Variants in RERE observed in about 807,000 individuals in gnomAD.
The protein encoded by RERE is arginine-glutamic acid dipeptide repeats protein.
RERE carries 40 observed loss-of-function variants against 146.1 expected under a neutral mutation model. That is an observed-to-expected ratio of 0.27 (90% CI 0.21 to 0.36). The LOEUF is 0.36. Ranked by LOEUF, RERE falls within the 10% of genes least tolerant of loss-of-function variation. RERE has a pLI of 1.00. For missense variants in RERE, 1,933 were observed against 2,138.7 expected, an observed-to-expected ratio of 0.90 and a Z score of 1.90; for synonymous variants, 1,003 against 866.0, an observed-to-expected ratio of 1.16 and a Z score of -2.78.
chr1:8,633,364 AGTGAGCTATAATAGCACCACTGC>A (rs138293913), intron 2 of RERE, among the ~76,000 whole-genome samples: 2,305 of 152,176 alleles, frequency 0.015, 60 homozygotes, highest in African/African-American at 0.053. Flanking sequence ...TTGAGGCTGC[AGTGAGCTATAATAGCACCACTGC>A]GTGCCAGCCT....
rs749272392 is a variant in RERE, at chr1:8,364,060, C to A, written c.1736G>T (p.Gly579Val). 4.4e-5 allele frequency: 71 copies of A among 1,613,724 alleles called. No homozygotes were observed. Among genetic ancestry groups the A allele is most frequent in the Middle Eastern group, 1.6e-4 (1 of 6,076 alleles). The change falls in exon 15 of 23, where the codon GGC becomes GTC. Residue 579 changes from glycine to valine, a missense_variant. Coordinates refer to ENST00000400908, the MANE Select transcript of RERE (RefSeq NM_001042681.2). This position sits in a 1 kb window ranked among gnomAD's most constrained non-coding sequence, Gnocchi z 5.1. ...KHSMRTRRSR[G>V]SMSTLRSGRK... ...CCATGGCCCCAGGGGACTCACCGAG[C>A]CCCGACTCCGCCGTGTCCTCATGCT...
chr1:8,555,676 T>G (rs1271776915), intron 6 of RERE, among the ~76,000 whole-genome samples: 3 of 152,208 alleles, frequency 2.0e-5, no homozygotes, highest in East Asian at 3.8e-4. Context: ...ATATCAGTAG[T>G]CTTACTTCCT....
chr1:8,607,977 C>G (rs879400087), intron 4 of RERE, among the ~76,000 whole-genome samples: 1 of 152,146 alleles, frequency 6.6e-6, no homozygotes, highest in Non-Finnish European at 1.5e-5. Context: ...CCACCCACCT[C>G]GGCCTCCCAA....
At chr1:8,777,063 A>G (rs574558423) in intron 1 of RERE, among the ~76,000 whole-genome samples, 21 of 152,280 alleles carry the variant, frequency 1.4e-4, no homozygotes, top group Non-Finnish European at 2.1e-4. Flanking sequence ...CTGAATGTTA[A>G]AACAGTATCA....
intron 10 of RERE, among the ~76,000 whole-genome samples, chr1:8,470,813 CTTTTTTTTTTTT>C (rs71580028): frequency 1.3e-5 from 1 of 74,554 alleles, no homozygotes; most frequent in Non-Finnish European, 2.3e-5. Context: ...AAAGAAATAC[CTTTTTTTTTTTT>C]TTTTTTTTTT....
At position 8,564,828 on chromosome 1, in the gene RERE, G is replaced by A. The variant is rs367766880; in HGVS notation, c.523-7305C>T. ...TGTGTGTATGTATGTGTGTGTATAT[G>A]TGTATGTGTGTGTGTGTGTGTGTGT... On this transcript the variant is annotated intron_variant, in intron 4 of 22. Transcript: ENST00000400908. Among the ~76,000 whole-genome samples the A allele has an allele frequency of 2.9e-3, 228 of 78,754 alleles. 3 individuals carry two copies. The highest frequency in any genetic ancestry group is 6.6e-3 in the African/African-American group (105 of 15,802). 51.7% of individuals were successfully genotyped at this position (78,754 alleles called of 152,430 possible).
Position 8,356,336 on chromosome 1 carries a change from C to T in RERE, c.4340-90G>A. 1 of 1,350,670 alleles carries T rather than the reference C, an allele frequency of 7.4e-7. No individual in the cohort carries two copies. Among genetic ancestry groups the T allele is most frequent in the East Asian group, 3.1e-5 (1 of 32,062 alleles). 83.7% of individuals were successfully genotyped at this position (1,350,670 alleles called of 1,614,324 possible). On this transcript the variant is annotated intron_variant, in intron 20 of 22. Transcript: ENST00000400908. The surrounding 1 kb of genome is among the most constrained non-coding windows in gnomAD (Gnocchi z 5.2). ...CTGGAATGACCGATGACTTCCTCCTCACCCAGGATGGCTCCTGGTCACCAG... is the reference window on the plus strand; with the variant it reads ...CTGGAATGACCGATGACTTCCTCCTTACCCAGGATGGCTCCTGGTCACCAG...
intron 12 of RERE, among the ~76,000 whole-genome samples, chr1:8,416,586 C>CAAA (rs5772324): frequency 5.2e-4 from 55 of 105,938 alleles, no homozygotes; most frequent in Admixed American, 2.2e-3. Flanking sequence ...ACTCCATCTC[C>CAAA]AAAAAAAAAA....
chr1:8,455,240 T>C (rs1644440225), intron 11 of RERE, among the ~76,000 whole-genome samples: 1 of 152,010 alleles, frequency 6.6e-6, no homozygotes, highest in Non-Finnish European at 1.5e-5. Context: ...CCTTTTTTTA[T>C]TATTATTTTT....
At chr1:8,516,818 T>A (rs1645425773) in intron 7 of RERE, among the ~76,000 whole-genome samples, 1 of 152,242 alleles carries the variant, frequency 6.6e-6, no homozygotes, top group Non-Finnish European at 1.5e-5. Context: ...AGAATTTTTT[T>A]AAGTTTGAAA....
chr1:8,724,910 A>G (rs1161911358), intron 1 of RERE, among the ~76,000 whole-genome samples: 1 of 146,258 alleles, frequency 6.8e-6, no homozygotes, highest in Non-Finnish European at 1.5e-5. Flanking sequence ...CTTCTTTCCT[A>G]GAAACTTTCT....
At chr1:8,494,001 C>T (rs1013675310) in intron 10 of RERE, among the ~76,000 whole-genome samples, 1 of 152,138 alleles carries the variant, frequency 6.6e-6, no homozygotes, top group Non-Finnish European at 1.5e-5. Context: ...AAAACAACAA[C>T]AACAAACAAA....
intron 12 of RERE, among the ~76,000 whole-genome samples, chr1:8,420,919 C>G (rs1643901523): frequency 6.6e-6 from 1 of 152,048 alleles, no homozygotes. Flanking sequence ...CACACATCAT[C>G]AATAAGAAGG....
At position 8,389,338 on chromosome 1, in the gene RERE, G is replaced by A. The variant is rs183240683; in HGVS notation, c.1285-23364C>T. Among the ~76,000 whole-genome samples, 117 of 152,242 alleles carry A rather than the reference G, an allele frequency of 7.7e-4. 1 individual carries two copies. Among genetic ancestry groups the A allele is most frequent in the African/African-American group, 2.7e-3 (112 of 41,528 alleles). ...TGAAAAACTAAATACATACACGGGA[G>A]GTACTAAAACCTTCATCCCCAGCAT... On this transcript the variant is annotated intron_variant, in intron 12 of 22. Coordinates refer to ENST00000400908, the MANE Select transcript of RERE (RefSeq NM_001042681.2).
Position 8,423,569 on chromosome 1 carries a change from T to TCC in RERE, c.1204-764_1204-763dup, listed in dbSNP as rs879692928. 3.9e-3 allele frequency: 3,844 copies of TCC among 984,686 alleles called. 10 individuals carry two copies. Among genetic ancestry groups the TCC allele is most frequent in the Admixed American group, 7.9e-3 (129 of 16,240 alleles). 61.0% of individuals were successfully genotyped at this position (984,686 alleles called of 1,614,324 possible). A position where few individuals can be genotyped will look rare whatever the true frequency, so the allele number is the denominator to read the frequency against. ...TGGCTCCGAGCCCCCACCTCGGGGC[T>TCC]CCCAGCCTGGTCCCGGGCGGCCGAC... On this transcript the variant is annotated intron_variant, in intron 11 of 22. Coordinates refer to ENST00000400908, the MANE Select transcript of RERE (RefSeq NM_001042681.2). This position sits in a 1 kb window ranked among gnomAD's most constrained non-coding sequence, Gnocchi z 5.4.
At chr1:8,634,893 G>A (rs568129498) in intron 2 of RERE, among the ~76,000 whole-genome samples, 1 of 151,990 alleles carries the variant, frequency 6.6e-6, no homozygotes, top group Non-Finnish European at 1.5e-5. Flanking sequence ...CCACCACCAC[G>A]CCCGGCTAAT....
chr1:8,464,205 G>A (rs986832412), intron 11 of RERE, among the ~76,000 whole-genome samples: 1 of 152,110 alleles, frequency 6.6e-6, no homozygotes, highest in African/African-American at 2.4e-5. Context: ...TAAAGTTAAA[G>A]TCTTAAGGAA....
chr1:8,666,546 T>C (rs1411226266), intron 1 of RERE, among the ~76,000 whole-genome samples: 1 of 152,222 alleles, frequency 6.6e-6, no homozygotes, highest in Non-Finnish European at 1.5e-5. Context: ...GCCTTTCATA[T>C]CAACATGCCT....
In RERE at chr1:8,358,263, C is replaced by T. The variant is rs766239539; in HGVS notation, c.4272G>A (p.Pro1424=). Reference sequence around the variant, plus strand: ...GAATGTGAGAGTGCTGGTGATGGTGCGGAGTCACGTTGAACATCTGCAGTC... The same window carrying T: ...GAATGTGAGAGTGCTGGTGATGGTGTGGAGTCACGTTGAACATCTGCAGTC... ...LARLQMFNVT[P]HHHQHSHIHS... is the part of the protein sequence containing the mutation. Residue 1424 remains proline (P), a synonymous_variant, in exon 20 of 23, where the codon CCG becomes CCA. Coordinates refer to ENST00000400908, the MANE Select transcript of RERE (RefSeq NM_001042681.2). The T allele has an allele frequency of 1.3e-4, 209 of 1,612,846 alleles. No homozygotes were observed. Among genetic ancestry groups the T allele is most frequent in the Non-Finnish European group, 1.6e-4 (189 of 1,179,096 alleles).
Sources: allele counts gnomAD v4.1 joint callset (sites outside exome capture counted in the v4.1 genomes callset), GRCh38; gene constraint gnomAD v4.1.1; non-coding constraint Gnocchi (gnomAD v3.1); transcripts MANE v1.5; gene names NCBI Gene and HGNC (gene_info 2026-07-23, HGNC 2026-07-21).